The following ULK4 variants were observed in gnomAD, a reference collection of about 807,000 sequenced individuals.
ULK4 encodes the protein inactive serine/threonine-protein kinase ULK4.
Under a neutral mutation model 160.6 loss-of-function variants are expected in ULK4, and 133 were observed. That is an observed-to-expected ratio of 0.83 (90% CI 0.72 to 0.96). ULK4 has a LOEUF of 0.96. Among genes scored for constraint, ULK4 ranks in the 40% least tolerant of loss-of-function variants. ULK4 has a pLI of 0.00. For missense variants in ULK4, 1,580 were observed against 1,499.5 expected (o/e 1.05, Z -0.89); for synonymous variants, 534 against 539.8 (o/e 0.99, Z 0.15).
At chr3:41,688,567 T>C (rs1455372487) in intron 27 of ULK4, among the ~76,000 whole-genome samples, 2 of 152,214 alleles carry the variant, frequency 1.3e-5, no homozygotes, top group African/African-American at 4.8e-5. Context: ...CTTATAAAAG[T>C]ATTTGTTTGT....
intron 35 of ULK4, among the ~76,000 whole-genome samples, chr3:41,325,234 C>CA (rs796736782): frequency 4.2e-4 from 63 of 151,696 alleles, no homozygotes; most frequent in African/African-American, 1.4e-3. Context: ...CACCCCTTTT[C>CA]AAAAAAAATG....
chr3:41,405,499 G>A (rs1344344724), intron 34 of ULK4, among the ~76,000 whole-genome samples: 1 of 152,148 alleles, frequency 6.6e-6, no homozygotes, highest in African/African-American at 2.4e-5. Context: ...ATCCACTAAT[G>A]AGACTGCTGA....
intron 16 of ULK4, among the ~76,000 whole-genome samples, chr3:41,888,018 GT>G (rs1208266370): frequency 6.6e-6 from 1 of 151,636 alleles, no homozygotes; most frequent in Non-Finnish European, 1.5e-5. Context: ...AAAAAAAAAT[GT>G]TTTTAATTTA....
At chr3:41,355,391 C>T (rs556327581) in intron 35 of ULK4, among the ~76,000 whole-genome samples, 5 of 152,178 alleles carry the variant, frequency 3.3e-5, no homozygotes, top group African/African-American at 1.2e-4. Context: ...CTAACTTCTA[C>T]TTATAGATCA....
chr3:41,466,505 A>G (rs931496202), intron 32 of ULK4, among the ~76,000 whole-genome samples: 1 of 152,168 alleles, frequency 6.6e-6, no homozygotes. Flanking sequence ...CACAACATAC[A>G]AACACTAATT....
At chr3:41,754,993 A>T (rs551665644) in intron 21 of ULK4, among the ~76,000 whole-genome samples, 1 of 152,236 alleles carries the variant, frequency 6.6e-6, no homozygotes, top group Non-Finnish European at 1.5e-5. Context: ...GTATACTCCT[A>T]TAACACTCTT....
At chr3:41,706,199 A>G (rs944837184) in intron 25 of ULK4, among the ~76,000 whole-genome samples, 1 of 151,910 alleles carries the variant, frequency 6.6e-6, no homozygotes, top group Non-Finnish European at 1.5e-5. Flanking sequence ...AGCTCCCCAG[A>G]TGAATGAGCT....
chr3:41,643,972 C>G (rs1310106800), intron 30 of ULK4, among the ~76,000 whole-genome samples: 2 of 152,030 alleles, frequency 1.3e-5, no homozygotes, highest in African/African-American at 4.8e-5. Flanking sequence ...TGGGAGTTCA[C>G]TCATGATTTG....
chr3:41,927,805 A>T (rs1320115012), intron 5 of ULK4, among the ~76,000 whole-genome samples: 1 of 152,228 alleles, frequency 6.6e-6, no homozygotes, highest in Non-Finnish European at 1.5e-5. Context: ...AGTAGAGCTG[A>T]CTATCCTAAA....
rs555935496 is a variant in ULK4, at chr3:41,824,163, T to TTTAAAAAAAA, written c.1765-4658_1765-4657insTTTTTTTTAA. On this transcript the variant is annotated intron_variant, in intron 18 of 36. Transcript: ENST00000301831. ...GGGTGAGAGAATGAGACTCTATCTT[T>TTTAAAAAAAA]AAAAAAAAAAAAAAAAAAAGGAGGA... Among the ~76,000 whole-genome samples, 2 of 117,800 alleles carry TTTAAAAAAAA rather than the reference T, an allele frequency of 1.7e-5. 1 individual carries two copies. The allele number at this position is 117,800 out of a possible 152,430, so 77.3% of individuals were successfully genotyped here.
intron 35 of ULK4, among the ~76,000 whole-genome samples, chr3:41,251,470 A>C (rs2078741485): frequency 6.6e-6 from 1 of 152,206 alleles, no homozygotes; most frequent in Admixed American, 6.5e-5. Flanking sequence ...TAAATAGGAG[A>C]GGACACTGAA....
intron 29 of ULK4, among the ~76,000 whole-genome samples, chr3:41,666,784 A>G (rs1263583902): frequency 1.3e-5 from 2 of 152,206 alleles, no homozygotes; most frequent in African/African-American, 4.8e-5. Context: ...ACAGAAAAAA[A>G]CATTCTCAAT....
chr3:41,917,196 A>T (rs2148809912), intron 7 of ULK4, among the ~76,000 whole-genome samples: 1 of 152,292 alleles, frequency 6.6e-6, no homozygotes, highest in South Asian at 2.1e-4. Flanking sequence ...CCAGGTCATC[A>T]GTCTATGGTT....
chr3:41,711,766 T>C (rs760661869), intron 25 of ULK4, among the ~76,000 whole-genome samples: 12 of 152,248 alleles, frequency 7.9e-5, no homozygotes, highest in South Asian at 4.1e-4. Flanking sequence ...CAAAAGGACA[T>C]AGGAAATATA....
chr3:41,865,217 G>A (rs1016864982), intron 17 of ULK4, among the ~76,000 whole-genome samples: 5 of 129,578 alleles, frequency 3.9e-5, no homozygotes, highest in Admixed American at 9.3e-5. Flanking sequence ...AGGTTGCAGT[G>A]AACCGATCAC....
At chr3:41,460,745 T>C (rs529883377) in intron 33 of ULK4, among the ~76,000 whole-genome samples, 19 of 152,282 alleles carry the variant, frequency 1.2e-4, no homozygotes, top group African/African-American at 2.6e-4. Flanking sequence ...TAACCACTTA[T>C]TGGTCACCTT....
chr3:41,825,707 A>G (rs1278941495), intron 18 of ULK4, among the ~76,000 whole-genome samples: 1 of 152,242 alleles, frequency 6.6e-6, no homozygotes, highest in Non-Finnish European at 1.5e-5. Flanking sequence ...AGTGACAGGG[A>G]GAATGGAACC....
chr3:41,829,328 G>A lies in ULK4; in HGVS notation c.1764+6536C>T, dbSNP rs2041486909. ...AATTAAACTAAAGAGCTTCTGCACA[G>A]CAAAAGAAACTACCATCAGAGTGAA... On this transcript the variant is annotated intron_variant, in intron 18 of 36. Coordinates refer to ENST00000301831, the MANE Select transcript of ULK4 (RefSeq NM_017886.4). Among the ~76,000 whole-genome samples, 3 of 146,002 alleles carry A rather than the reference G, an allele frequency of 2.1e-5. No homozygotes were observed. In the South Asian group the frequency reaches 6.5e-4, roughly 32 times the overall value.
chr3:41,493,406 A>G (rs1022473382), intron 32 of ULK4, among the ~76,000 whole-genome samples: 4 of 139,004 alleles, frequency 2.9e-5, no homozygotes, highest in African/African-American at 1.1e-4. Flanking sequence ...ACATACCAGA[A>G]TCTCTGGGAC....
Sources: gnomAD v4.1 joint callset for allele counts (sites outside exome capture counted in the v4.1 genomes callset) on GRCh38, gnomAD v4.1.1 for gene constraint, MANE v1.5 for transcripts, NCBI Gene and HGNC (gene_info 2026-07-23, HGNC 2026-07-21) for gene names.